PPP1R9A: variants seen among roughly 807,000 people sequenced by gnomAD.
PPP1R9A encodes neurabin-1.
In PPP1R9A, 59 loss-of-function variants were observed where a neutral mutation model predicts 141.9. The ratio of observed to expected loss-of-function variants is 0.42; its 90% CI spans 0.34 to 0.52. The LOEUF is 0.52. PPP1R9A is among the 20% of genes least tolerant of loss of function. The pLI, the probability that PPP1R9A is intolerant of heterozygous loss-of-function variation, is 0.10. For missense variants in PPP1R9A, 1,444 were observed against 1,611.9 expected (o/e 0.90, Z 1.78); for synonymous variants, 500 against 569.7 (o/e 0.88, Z 1.74).
At chr7:95,097,877 T>C (rs895047719) in intron 2 of PPP1R9A, among the ~76,000 whole-genome samples, 2 of 152,232 alleles carry the variant, frequency 1.3e-5, no homozygotes, top group African/African-American at 2.4e-5. Flanking sequence ...TTAAGAGATT[T>C]ACCACCAGGA....
intron 7 of PPP1R9A, among the ~76,000 whole-genome samples, chr7:95,207,349 T>C (rs144252427): frequency 3.3e-5 from 5 of 152,244 alleles, no homozygotes; most frequent in African/African-American, 1.2e-4. Flanking sequence ...AAAACAAAAG[T>C]AGTACAACTT....
At chr7:94,916,352 C>T (rs887952723) in intron 2 of PPP1R9A, among the ~76,000 whole-genome samples, 3 of 152,152 alleles carry the variant, frequency 2.0e-5, no homozygotes, top group Non-Finnish European at 4.4e-5. Flanking sequence ...TCAAGTGGTG[C>T]CGATGCCGCT....
chr7:95,098,837 C>A (rs888812040), intron 2 of PPP1R9A, among the ~76,000 whole-genome samples: 3 of 152,170 alleles, frequency 2.0e-5, no homozygotes, highest in African/African-American at 7.2e-5. Context: ...ACTCTCCCTT[C>A]CATTCAGAGG....
intron 4 of PPP1R9A, among the ~76,000 whole-genome samples, chr7:95,140,176 A>T (rs1366293183): frequency 6.6e-6 from 1 of 152,212 alleles, no homozygotes; most frequent in African/African-American, 2.4e-5. Context: ...AGCGTAAGCT[A>T]GAGAGAACTA....
chr7:95,139,810 TAAA>T (rs1177269547), intron 4 of PPP1R9A, among the ~76,000 whole-genome samples: 2 of 95,322 alleles, frequency 2.1e-5, no homozygotes, highest in African/African-American at 7.8e-5. Flanking sequence ...AGCAAAACAT[TAAA>T]AAAAAAAAAA....
At chr7:94,954,008 T>C (rs2151059599) in intron 2 of PPP1R9A, among the ~76,000 whole-genome samples, 1 of 152,174 alleles carries the variant, frequency 6.6e-6, no homozygotes, top group African/African-American at 2.4e-5. Context: ...TGAATAGGAG[T>C]GGTGAGAGAG....
intron 5 of PPP1R9A, among the ~76,000 whole-genome samples, chr7:95,177,751 G>T (rs1452765186): frequency 6.6e-6 from 1 of 151,896 alleles, no homozygotes; most frequent in Non-Finnish European, 1.5e-5. Context: ...AAACTTTAAA[G>T]CAACAGCAAT....
rs2115737299 is a variant in PPP1R9A, at chr7:95,284,294, T to C, written c.3573T>C (p.Ser1191=). 1 of 1,549,370 alleles carries C rather than the reference T, an allele frequency of 6.5e-7. No individual in the cohort carries two copies. Among genetic ancestry groups the C allele is most frequent in the Non-Finnish European group, 8.8e-7 (1 of 1,141,796 alleles). ...PSSSSIFGRH[S]QLMSVVWIQE... is the part of the protein sequence containing the mutation. ...CTTCTTCAATCTTTGGAAGGCATTCTCAACTTATGTCTGTAGTCTGGATCC... is the reference window on the plus strand; with the variant it reads ...CTTCTTCAATCTTTGGAAGGCATTCCCAACTTATGTCTGTAGTCTGGATCC... The change falls in exon 17 of 20, where the codon TCT becomes TCC. Residue 1191 remains serine (S), a synonymous_variant. Transcript: ENST00000433360.
intron 2 of PPP1R9A, among the ~76,000 whole-genome samples, chr7:94,953,257 C>CAG (rs1301178194): frequency 6.6e-6 from 1 of 152,158 alleles, no homozygotes; most frequent in Non-Finnish European, 1.5e-5. Flanking sequence ...TGTCAAAGAT[C>CAG]AGATGGTTGT....
At chr7:95,183,465 T>G (rs77739060) in intron 5 of PPP1R9A, among the ~76,000 whole-genome samples, 1 of 149,040 alleles carries the variant, frequency 6.7e-6, no homozygotes, top group Non-Finnish European at 1.5e-5. Context: ...TTTTTTTTTT[T>G]TTTGAGACAG....
At chr7:95,187,012 A>G (rs1167501657) in intron 5 of PPP1R9A, among the ~76,000 whole-genome samples, 1 of 151,950 alleles carries the variant, frequency 6.6e-6, no homozygotes, top group Non-Finnish European at 1.5e-5. Context: ...TATTAGGGTG[A>G]TACTGGCTTT....
chr7:95,022,587 C>G (rs1806147178), intron 2 of PPP1R9A, among the ~76,000 whole-genome samples: 1 of 152,114 alleles, frequency 6.6e-6, no homozygotes. Flanking sequence ...CCAGTTTTTG[C>G]CCATTCAGTA....
Position 94,959,136 on chromosome 7 carries a change from AT to A in PPP1R9A, c.1395+47631del, listed in dbSNP as rs1797358599. ...TTTCATTTTGCCTATGGAAAGAATC[AT>A]TTACTTAGATTTATCAAGTTACTTA... is the stretch of plus-strand genomic sequence containing the variant. On this transcript the variant is annotated intron_variant, in intron 2 of 19. Coordinates refer to ENST00000433360, the MANE Select transcript of PPP1R9A (RefSeq NM_001166160.2). Among the ~76,000 whole-genome samples the A allele has an allele frequency of 2.0e-5, 3 of 151,992 alleles. No individual in the cohort carries two copies. In the South Asian group the frequency reaches 6.2e-4, roughly 31 times the overall value.
chr7:94,989,803 C>T (rs1441262226), intron 2 of PPP1R9A, among the ~76,000 whole-genome samples: 1 of 151,984 alleles, frequency 6.6e-6, no homozygotes, highest in African/African-American at 2.4e-5. Flanking sequence ...TCATACGTAG[C>T]CAGTTCATTA....
At chr7:95,237,630 T>C (rs961340159) in intron 8 of PPP1R9A, among the ~76,000 whole-genome samples, 42 of 152,270 alleles carry the variant, frequency 2.8e-4, no homozygotes, top group African/African-American at 9.6e-4. Context: ...TTACCATCAT[T>C]TATTTCTTCC....
chr7:94,985,928 C>A (rs1800770899), intron 2 of PPP1R9A, among the ~76,000 whole-genome samples: 1 of 152,146 alleles, frequency 6.6e-6, no homozygotes, highest in Non-Finnish European at 1.5e-5. Context: ...AGATATTTAT[C>A]TTGAGGAAGA....
intron 3 of PPP1R9A, among the ~76,000 whole-genome samples, chr7:95,116,800 T>G (rs1821603783): frequency 6.6e-6 from 1 of 152,224 alleles, no homozygotes; most frequent in Non-Finnish European, 1.5e-5. Context: ...GAACAAATTG[T>G]ATTCAAATGG....
chr7:95,074,045 G>A (rs1309120947), intron 2 of PPP1R9A, among the ~76,000 whole-genome samples: 2 of 152,112 alleles, frequency 1.3e-5, no homozygotes, highest in South Asian at 2.1e-4. Flanking sequence ...CAATTCCCAC[G>A]TTTACTATGT....
intron 2 of PPP1R9A, among the ~76,000 whole-genome samples, chr7:95,021,873 C>T (rs1806018134): frequency 1.3e-5 from 2 of 152,228 alleles, no homozygotes; most frequent in South Asian, 2.1e-4. Context: ...GTTACTGTAG[C>T]CTTGTAGTGT....
Sources: gnomAD v4.1 joint callset for allele counts (sites outside exome capture counted in the v4.1 genomes callset) on GRCh38, gnomAD v4.1.1 for gene constraint, MANE v1.5 for transcripts, NCBI Gene and HGNC (gene_info 2026-07-23, HGNC 2026-07-21) for gene names.